The following BST1 variants were observed in gnomAD, a reference collection of about 807,000 sequenced individuals.
BST1 encodes the protein ADP-ribosyl cyclase/cyclic ADP-ribose hydrolase 2.
A neutral mutation model predicts 40.6 loss-of-function variants in BST1; 49 were observed. The observed-to-expected ratio is 1.21, with a 90% CI of 0.96 to 1.53. The LOEUF is 1.53. Ranked by LOEUF, BST1 falls within the 40% of genes most tolerant of loss-of-function variation. BST1 has a pLI of 0.00. For synonymous variants in BST1, 157 were observed against 159.3 expected, an observed-to-expected ratio of 0.99 and a Z score of 0.11; for missense variants, 423 against 395.9, an observed-to-expected ratio of 1.07 and a Z score of -0.58.
chr4:15,771,128 G>A, the BST1 span, among the ~76,000 whole-genome samples: 3 of 152,260 alleles, frequency 2.0e-5, no homozygotes, highest in East Asian at 3.9e-4. Context: ...TCAAGCCTCA[G>A]TGCAGTGTAA....
At chr4:15,737,680 C>A, downstream of BST1, 1 of 738,454 alleles carries the variant, frequency 1.4e-6, no homozygotes, top group Non-Finnish European at 2.0e-6. Context: ...ACATGAAGAA[C>A]TGAGTTCTCT....
chr4:15,749,935 C>CTTTTTTTT, the BST1 span, among the ~76,000 whole-genome samples: 5 of 137,760 alleles, frequency 3.6e-5, no homozygotes, highest in Admixed American at 7.3e-5. Flanking sequence ...TCATTCTTTT[C>CTTTTTTTT]TTTTTTTTTT....
chr4:15,747,621 C>T, the BST1 span, among the ~76,000 whole-genome samples: 4 of 152,168 alleles, frequency 2.6e-5, no homozygotes, highest in East Asian at 7.7e-4. Flanking sequence ...AGCTTATCTC[C>T]CTGAGCCAAA....
Position 15,705,911 on chromosome 4 carries a change from C to G in BST1, c.315+270C>G, listed in dbSNP as rs574019964. Among the ~76,000 whole-genome samples the G allele has an allele frequency of 4.6e-5, 7 of 152,326 alleles. No individual in the cohort carries two copies. In the East Asian group the frequency reaches 1.4e-3, roughly 29 times the overall value. On this transcript the variant is annotated intron_variant, in intron 2 of 8. Transcript: ENST00000265016. The stretch of plus-strand genomic sequence containing the variant: ...CTGGTTCACAGTTCCACAGGCTGTA[C>G]AGGAAGAATGGCAACATCTACTTCT...
At chr4:15,740,241 A>G (rs887402103), downstream of BST1, among the ~76,000 whole-genome samples, 11 of 152,162 alleles carry the variant, frequency 7.2e-5, no homozygotes, top group African/African-American at 2.7e-4. Flanking sequence ...TCTTTTTGCT[A>G]GAGACGGGGT....
chr4:15,714,492 C>G (rs1017876777), intron 4 of BST1, among the ~76,000 whole-genome samples: 17 of 152,286 alleles, frequency 1.1e-4, no homozygotes, highest in African/African-American at 4.1e-4. Flanking sequence ...CAAATACTTC[C>G]TATGCTATTG....
In BST1 at chr4:15,711,806, G is replaced by A; in HGVS notation, c.452-1G>A. The A allele has an allele frequency of 1.2e-6, 2 of 1,612,222 alleles. No homozygotes were observed. The highest frequency in any genetic ancestry group is 1.7e-6 in the Non-Finnish European group (2 of 1,178,342). ...AATGTGTTTGTCTACTTACCCCTTA[G>A]GACTCGATTACCAATCCTGCCCTAC... is the stretch of plus-strand genomic sequence containing the variant. On this transcript the variant is annotated splice_acceptor_variant, in intron 3 of 8. Coordinates refer to ENST00000265016, the MANE Select transcript of BST1 (RefSeq NM_004334.3). LOFTEE classifies it high-confidence loss of function.
At chr4:15,726,323 G>A (rs1721111414) in intron 8 of BST1, among the ~76,000 whole-genome samples, 2 of 151,290 alleles carry the variant, frequency 1.3e-5, no homozygotes, top group Admixed American at 1.3e-4. Flanking sequence ...TAGACACTTA[G>A]GAATGAATGA....
downstream of BST1, among the ~76,000 whole-genome samples, chr4:15,741,298 C>T (rs1240754371): frequency 6.6e-6 from 1 of 151,996 alleles, no homozygotes; most frequent in Non-Finnish European, 1.5e-5. Context: ...AGTAGAGTAA[C>T]CTTGTCCAGG....
At chr4:15,765,526 C>T in the BST1 span, among the ~76,000 whole-genome samples, 8 of 151,946 alleles carry the variant, frequency 5.3e-5, no homozygotes, top group South Asian at 2.1e-4. Flanking sequence ...TGCACCAGCG[C>T]CTGCCTATCT....
chr4:15,703,263 G>C lies in BST1; in HGVS notation c.119G>C (p.Ser40Thr). 5 of 1,539,526 alleles carry C rather than the reference G, an allele frequency of 3.2e-6. No individual in the cohort carries two copies. Among genetic ancestry groups the C allele is most frequent in the Non-Finnish European group, 4.4e-6 (5 of 1,146,846 alleles). Reference sequence around the variant, plus strand: ...GCGCGGTGGCGCGGGGAGGGCACCAGCGCACACTTGCGGGACATCTTCCTG... The same window carrying C: ...GCGCGGTGGCGCGGGGAGGGCACCACCGCACACTTGCGGGACATCTTCCTG... ...ARARWRGEGT[S>T]AHLRDIFLGR... is the part of the protein sequence containing the mutation. Residue 40 changes from serine to threonine, a missense_variant, in exon 1 of 9, where the codon AGC becomes ACC. By Grantham distance (58) the Ser-to-Thr change is moderately conservative. Coordinates refer to ENST00000265016, the MANE Select transcript of BST1 (RefSeq NM_004334.3).
chr4:15,734,680 C>G (rs945684615), downstream of BST1, among the ~76,000 whole-genome samples: 1 of 151,216 alleles, frequency 6.6e-6, no homozygotes, highest in Non-Finnish European at 1.5e-5. Context: ...TGGTGAGTTT[C>G]GGTTCCTTGA....
intron 3 of BST1, among the ~76,000 whole-genome samples, chr4:15,709,594 C>G (rs1188656858): frequency 2.0e-5 from 3 of 152,290 alleles, no homozygotes; most frequent in Non-Finnish European, 4.4e-5. Flanking sequence ...GGAGAGCCTT[C>G]CAGAAAACCA....
intron 7 of BST1, among the ~76,000 whole-genome samples, chr4:15,719,701 A>G (rs1409920893): frequency 7.2e-5 from 11 of 152,116 alleles, no homozygotes; most frequent in Admixed American, 6.6e-4. Context: ...GGTGGAAATG[A>G]CGTCAGTGGT....
chr4:15,713,050 T>A (rs1294804526), intron 4 of BST1, among the ~76,000 whole-genome samples: 1 of 152,194 alleles, frequency 6.6e-6, no homozygotes, highest in Non-Finnish European at 1.5e-5. Flanking sequence ...ATAATGGAAA[T>A]CTCATACTAG....
At chr4:15,723,663 T>A in intron 8 of BST1, 1 of 955,486 alleles carries the variant, frequency 1.0e-6, no homozygotes, top group East Asian at 1.2e-4. Flanking sequence ...ATTATATACT[T>A]TAAGCTGTTG....
intron 7 of BST1, among the ~76,000 whole-genome samples, chr4:15,721,794 T>C (rs1051598116): frequency 1.3e-5 from 2 of 152,050 alleles, no homozygotes; most frequent in Non-Finnish European, 2.9e-5. Context: ...ACCCTAGAAC[T>C]TGAAGTATAA....
At chr4:15,766,274 A>T in the BST1 span, among the ~76,000 whole-genome samples, 2 of 151,974 alleles carry the variant, frequency 1.3e-5, no homozygotes, top group African/African-American at 2.4e-5. Context: ...GATGTCTCAG[A>T]TTTGGAGTGT....
the BST1 span, among the ~76,000 whole-genome samples, chr4:15,773,829 CAAAAACCAAAAACAAAACAACCCAT>C: frequency 6.6e-6 from 1 of 150,628 alleles, no homozygotes; most frequent in South Asian, 2.1e-4. Context: ...AACAAACAAA[CAAAAACCAAAAACAAAACAACCCAT>C]AAAAACCAAA....
Sources: allele counts gnomAD v4.1 joint callset (sites outside exome capture counted in the v4.1 genomes callset), GRCh38; gene constraint gnomAD v4.1.1; transcripts MANE v1.5; gene names NCBI Gene and HGNC (gene_info 2026-07-23, HGNC 2026-07-21).